The following AHCYL2 variants were observed in gnomAD, a reference collection of about 807,000 sequenced individuals.
AHCYL2 encodes the protein adenosylhomocysteinase like 2, also known as S-adenosylhomocysteine hydrolase-like protein 2.
A neutral mutation model predicts 81.4 loss-of-function variants in AHCYL2; 28 were observed. The ratio of observed to expected loss-of-function variants is 0.34; its 90% CI spans 0.25 to 0.47. The LOEUF (loss-of-function observed/expected upper bound fraction) is 0.47. AHCYL2 is among the 20% of genes least tolerant of loss of function. The probability of loss-of-function intolerance (pLI) is 1.00; values close to 1 mark genes in which losing one functional copy is unlikely to be tolerated. For synonymous variants in AHCYL2, 272 were observed against 290.2 expected (o/e 0.94, Z 0.64); for missense variants, 551 against 785.1 (o/e 0.70, Z 3.56).
intron 1 of AHCYL2, among the ~76,000 whole-genome samples, chr7:129,235,579 T>C (rs1794615202): frequency 6.6e-6 from 1 of 151,940 alleles, no homozygotes; most frequent in Non-Finnish European, 1.5e-5. Context: ...CATGCCACCA[T>C]GCCCAACTGA....
At chr7:129,271,079 T>C (rs1795993680) in intron 1 of AHCYL2, among the ~76,000 whole-genome samples, 1 of 151,820 alleles carries the variant, frequency 6.6e-6, no homozygotes, top group Non-Finnish European at 1.5e-5. Flanking sequence ...AAAAAAAGTT[T>C]GGGCCGGGCG....
intron 2 of AHCYL2, among the ~76,000 whole-genome samples, chr7:129,381,643 C>T (rs1417247308): frequency 6.6e-6 from 1 of 152,174 alleles, no homozygotes; most frequent in African/African-American, 2.4e-5. Flanking sequence ...GTGCTACTTA[C>T]TATACATAGT....
At chr7:129,254,652 C>G (rs892142092) in intron 1 of AHCYL2, among the ~76,000 whole-genome samples, 1 of 152,184 alleles carries the variant, frequency 6.6e-6, no homozygotes, top group Non-Finnish European at 1.5e-5. Context: ...CACCATACTC[C>G]TGTAAAACCA....
intron 11 of AHCYL2, among the ~76,000 whole-genome samples, chr7:129,411,305 A>C (rs569882293): frequency 1.3e-5 from 2 of 152,090 alleles, no homozygotes; most frequent in Non-Finnish European, 2.9e-5. Flanking sequence ...TTATCACCCC[A>C]AAAAGAAACC....
chr7:129,292,766 TA>T (rs915581738), intron 1 of AHCYL2, among the ~76,000 whole-genome samples: 24 of 145,694 alleles, frequency 1.6e-4, no homozygotes, highest in Non-Finnish European at 2.4e-4. Flanking sequence ...GACTCTGTCT[TA>T]AAAAAAAAAA....
chr7:129,401,073 C>T (rs1796006965), intron 6 of AHCYL2, among the ~76,000 whole-genome samples: 1 of 152,134 alleles, frequency 6.6e-6, no homozygotes, highest in African/African-American at 2.4e-5. Context: ...CCTGTAATCC[C>T]AGCACTTTGG....
intron 1 of AHCYL2, among the ~76,000 whole-genome samples, chr7:129,322,185 G>A (rs1314049547): frequency 6.6e-6 from 1 of 151,000 alleles, no homozygotes; most frequent in African/African-American, 2.5e-5. Flanking sequence ...TGTTACCCAG[G>A]CTGGAGTCCA....
rs571228121 is a variant in AHCYL2 at position 129,398,631 on chromosome 7, G to A, written c.823+1307G>A. On this transcript the variant is annotated intron_variant, in intron 5 of 16. Coordinates refer to ENST00000325006, the MANE Select transcript of AHCYL2 (RefSeq NM_015328.4). ...TGACCTCAGATGATCTGCCTGCCTC[G>A]GCCTCCCAAAGTGCTGGGATTACAG... is the stretch of plus-strand genomic sequence containing the variant. Among the ~76,000 whole-genome samples, 254 of 146,596 alleles carry A rather than the reference G, an allele frequency of 1.7e-3. 2 individuals carry two copies. The highest frequency in any genetic ancestry group is 4.5e-3 in the Admixed American group (67 of 14,738).
At chr7:129,315,136 T>C (rs879772391) in intron 1 of AHCYL2, among the ~76,000 whole-genome samples, 1 of 152,148 alleles carries the variant, frequency 6.6e-6, no homozygotes, top group Non-Finnish European at 1.5e-5. Context: ...CCTGGACTAT[T>C]GCAGCTGACA....
intron 1 of AHCYL2, among the ~76,000 whole-genome samples, chr7:129,244,611 G>T (rs1344564296): frequency 6.6e-6 from 1 of 152,122 alleles, no homozygotes; most frequent in East Asian, 1.9e-4. Context: ...AATTCTCTGG[G>T]ACCCTCTTTT....
chr7:129,325,404 T>C (rs1418704960), intron 1 of AHCYL2, among the ~76,000 whole-genome samples: 1 of 152,228 alleles, frequency 6.6e-6, no homozygotes, highest in Non-Finnish European at 1.5e-5. Context: ...CCATACTTTT[T>C]TTCATTTGCA....
chr7:129,367,728 C>T (rs970417456), intron 1 of AHCYL2, among the ~76,000 whole-genome samples: 4 of 152,306 alleles, frequency 2.6e-5, no homozygotes, highest in African/African-American at 7.2e-5. Context: ...TAGCTGCGGG[C>T]CCTGAGGCCT....
intron 1 of AHCYL2, among the ~76,000 whole-genome samples, chr7:129,378,320 A>T (rs981764296): frequency 6.6e-6 from 1 of 151,466 alleles, no homozygotes; most frequent in East Asian, 1.9e-4. Context: ...AAAAAAAAAA[A>T]AATAAATTTA....
chr7:129,399,868 A>G (rs1795943388), intron 5 of AHCYL2, among the ~76,000 whole-genome samples: 1 of 151,888 alleles, frequency 6.6e-6, no homozygotes. Flanking sequence ...CTGAGATTAC[A>G]GGCATGCACC....
intron 4 of AHCYL2, among the ~76,000 whole-genome samples, chr7:129,393,209 G>A (rs185126459): frequency 8.0e-4 from 122 of 152,338 alleles, no homozygotes; most frequent in African/African-American, 2.8e-3. Flanking sequence ...TTGAACCCAG[G>A]AGTTGAAGAC....
chr7:129,379,055 T>C (rs1362754038), intron 1 of AHCYL2, among the ~76,000 whole-genome samples: 1 of 151,876 alleles, frequency 6.6e-6, no homozygotes, highest in Non-Finnish European at 1.5e-5. Context: ...CCAAGGTGGG[T>C]GAATCACTTG....
intron 2 of AHCYL2, among the ~76,000 whole-genome samples, chr7:129,381,783 AT>A (rs1166929188): frequency 1.3e-5 from 2 of 152,196 alleles, no homozygotes; most frequent in African/African-American, 4.8e-5. Flanking sequence ...TCTATTTCAG[AT>A]TAGGTATCAT....
intron 1 of AHCYL2, among the ~76,000 whole-genome samples, chr7:129,253,165 C>T (rs1795298757): frequency 1.3e-5 from 2 of 151,820 alleles, no homozygotes; most frequent in African/African-American, 4.8e-5. Context: ...CGAGATTGTA[C>T]CACTGCACTC....
intron 4 of AHCYL2, among the ~76,000 whole-genome samples, chr7:129,391,323 C>T (rs1187022744): frequency 6.6e-6 from 1 of 152,162 alleles, no homozygotes; most frequent in African/African-American, 2.4e-5. Flanking sequence ...ATTAAAACTA[C>T]AAAACTACTT....
Sources: allele counts gnomAD v4.1 joint callset (sites outside exome capture counted in the v4.1 genomes callset), GRCh38; gene constraint gnomAD v4.1.1; transcripts MANE v1.5; gene names NCBI Gene and HGNC (gene_info 2026-07-23, HGNC 2026-07-21).